Variants in VWF observed in about 807,000 individuals in gnomAD.
VWF encodes Factor VIII related antigen.
In VWF, 176 loss-of-function variants were observed where a neutral mutation model predicts 308.6. The ratio of observed to expected loss-of-function variants is 0.57; its 90% confidence interval spans 0.50 to 0.65. The LOEUF is 0.65. Among genes scored for constraint, VWF ranks in the 30% least tolerant of loss-of-function variants. The probability of loss-of-function intolerance (pLI) is 0.00; values close to 1 mark genes in which losing one functional copy is unlikely to be tolerated. For synonymous variants in VWF, 1,385 were observed against 1,443.4 expected (o/e 0.96, Z 0.92); for missense variants, 3,146 against 3,648.2 (o/e 0.86, Z 3.55).
chr12:5,949,837 G>C lies in VWF; in HGVS notation c.8202C>G (p.Val2734=), dbSNP rs1339971429. 6.2e-7 allele frequency: 1 copy of C among 1,613,960 alleles called. No individual in the cohort carries two copies. The highest frequency in any genetic ancestry group is 1.3e-5 in the African/African-American group (1 of 74,896). Residue 2734 remains valine (V), a synonymous_variant, in exon 51 of 52, where the codon GTC becomes GTG. Transcript: ENST00000261405. ...CNDITARLQY[V]KVGSCKSEVE... is the part of the protein sequence containing the mutation. Reference sequence around the variant, plus strand: ...CTTCAGACTTACAGCTTCCCACCTTGACATACTGCAGCCTGGCAGTGATGT... The same window carrying C: ...CTTCAGACTTACAGCTTCCCACCTTCACATACTGCAGCCTGGCAGTGATGT...
intron 11 of VWF, among the ~76,000 whole-genome samples, chr12:6,064,894 G>C (rs1441700422): frequency 6.6e-6 from 1 of 152,214 alleles, no homozygotes; most frequent in Non-Finnish European, 1.5e-5. Context: ...TCCACTGGGT[G>C]GGGAGCTGAG....
chr12:5,956,685 T>C (rs1591830117), intron 47 of VWF, among the ~76,000 whole-genome samples: 1 of 148,466 alleles, frequency 6.7e-6, no homozygotes, highest in Non-Finnish European at 1.5e-5. Context: ...ATTTCAAAAA[T>C]AGGAAAAAGC....
chr12:6,091,035 G>A (rs1294557266), intron 6 of VWF, among the ~76,000 whole-genome samples: 1 of 152,232 alleles, frequency 6.6e-6, no homozygotes, highest in Non-Finnish European at 1.5e-5. Flanking sequence ...TCCAGGTGAT[G>A]CAGACTTTGA....
chr12:6,057,581 C>G (rs1221628545), intron 14 of VWF, among the ~76,000 whole-genome samples: 1 of 147,274 alleles, frequency 6.8e-6, no homozygotes, highest in African/African-American at 2.5e-5. Flanking sequence ...AACTCCTGCC[C>G]TCAAGCGATC....
intron 2 of VWF, 78 bp from the exon 3 acceptor site, chr12:6,121,416 G>C: frequency 6.5e-7 from 1 of 1,539,758 alleles, no homozygotes; most frequent in East Asian, 2.4e-5. Context: ...CTCTGGCCTC[G>C]TAGAAATTAG....
intron 38 of VWF, among the ~76,000 whole-genome samples, chr12:5,989,582 G>C (rs954428785): frequency 3.3e-5 from 5 of 152,064 alleles, no homozygotes; most frequent in Admixed American, 6.5e-5. Flanking sequence ...TTATAAGACG[G>C]TTTCTACATC....
At chr12:6,032,594 C>T (rs1396904575) in intron 20 of VWF, among the ~76,000 whole-genome samples, 1 of 151,168 alleles carries the variant, frequency 6.6e-6, no homozygotes, top group African/African-American at 2.4e-5. Flanking sequence ...GCCGAGATCG[C>T]ACCACTGCAC....
At chr12:6,078,459 T>C (rs1338007448) in intron 6 of VWF, among the ~76,000 whole-genome samples, 9 of 152,190 alleles carry the variant, frequency 5.9e-5, no homozygotes, top group Admixed American at 5.9e-4. Context: ...AAAAATGTCA[T>C]TCAGAGAATT....
chr12:6,052,105 G>A (rs1021455866), intron 16 of VWF, among the ~76,000 whole-genome samples: 3 of 152,206 alleles, frequency 2.0e-5, no homozygotes, highest in Non-Finnish European at 2.9e-5. Context: ...TTGGGGAAGT[G>A]CATGAAGCAG....
At chr12:6,074,487 TAA>T (rs776702305) in intron 7 of VWF, among the ~76,000 whole-genome samples, 23 of 61,994 alleles carry the variant, frequency 3.7e-4, no homozygotes, top group Admixed American at 2.1e-3. Flanking sequence ...TTCACAGACC[TAA>T]AAAAAAAAAA....
In VWF at chr12:6,075,387, G is replaced by T; in HGVS notation, c.822C>A (p.Thr274=). 1 of 1,614,104 alleles carries T rather than the reference G, an allele frequency of 6.2e-7. No individual in the cohort carries two copies. Among genetic ancestry groups the T allele is most frequent in the South Asian group, 1.1e-5 (1 of 91,074 alleles). The part of the protein sequence containing the change: ...ACPALLEYAR[T]CAQEGMVLYG... ...ACAGCACCATTCCCTCCTGGGCACA[G>T]GTCCGGGCGTACTCCAGGAGGGCAG... The change falls in exon 7 of 52, where the codon ACC becomes ACA. Residue 274 remains threonine (T), a synonymous_variant. Coordinates refer to ENST00000261405, the MANE Select transcript of VWF (RefSeq NM_000552.5). The surrounding 1 kb of genome is among the most constrained non-coding windows in gnomAD (Gnocchi z 4.7).
At chr12:6,021,848 C>T in intron 27 of VWF, 52 bp downstream of exon 27, 1 of 1,613,680 alleles carries the variant, frequency 6.2e-7, no homozygotes, top group Non-Finnish European at 8.5e-7. Flanking sequence ...AAGCTGGCCC[C>T]TGGAGAAGCA....
intron 15 of VWF, among the ~76,000 whole-genome samples, chr12:6,053,578 C>T (rs1259736028): frequency 6.6e-6 from 1 of 152,172 alleles, no homozygotes; most frequent in African/African-American, 2.4e-5. Flanking sequence ...CTGCAAGAGA[C>T]ACAAGCCAGA....
At chr12:6,087,954 T>TG (rs1944991497) in intron 6 of VWF, among the ~76,000 whole-genome samples, 1 of 151,780 alleles carries the variant, frequency 6.6e-6, no homozygotes, top group African/African-American at 2.4e-5. Context: ...CTTGAGGAGG[T>TG]GATCCTGAGC....
intron 31 of VWF, among the ~76,000 whole-genome samples, chr12:6,014,239 G>C (rs1944031472): frequency 6.6e-6 from 1 of 152,126 alleles, no homozygotes; most frequent in Non-Finnish European, 1.5e-5. Flanking sequence ...GCATGGATCA[G>C]GCAATGCTCC....
rs559768162 is a variant in VWF, at chr12:5,980,833, A to G, written c.7287+953T>C. On this transcript the variant is annotated intron_variant, in intron 42 of 51. Coordinates refer to ENST00000261405, the MANE Select transcript of VWF (RefSeq NM_000552.5). ...GTCATTCATGTCAGGACTCCCCTCA[A>G]TGCAGCAGCTATAACTATGCTCAGG... Among the ~76,000 whole-genome samples the G allele has an allele frequency of 5.3e-5, 8 of 152,294 alleles. No homozygotes were observed. In the South Asian group the frequency reaches 1.7e-3, roughly 32 times the overall value.
chr12:6,042,293 C>T (rs1029435016), intron 18 of VWF, among the ~76,000 whole-genome samples: 8 of 152,272 alleles, frequency 5.3e-5, no homozygotes, highest in African/African-American at 1.7e-4. Context: ...CTTCCCCAAG[C>T]CCTTAGTGAC....
At chr12:5,949,499 A>G (rs1375059474) in intron 51 of VWF, among the ~76,000 whole-genome samples, 1 of 152,158 alleles carries the variant, frequency 6.6e-6, no homozygotes, top group African/African-American at 2.4e-5. Flanking sequence ...AAAATTTTAT[A>G]TATGTTTGAC....
intron 3 of VWF, among the ~76,000 whole-genome samples, chr12:6,113,329 G>A (rs371199790): frequency 2.7e-5 from 4 of 146,466 alleles, no homozygotes; most frequent in Non-Finnish European, 5.9e-5. Context: ...ACAGAGTCTC[G>A]CTCTGTCGCC....
Sources: gnomAD v4.1 joint callset for allele counts (sites outside exome capture counted in the v4.1 genomes callset) on GRCh38, gnomAD v4.1.1 for gene constraint, Gnocchi (gnomAD v3.1) non-coding constraint, MANE v1.5 for transcripts, NCBI Gene and HGNC (gene_info 2026-07-23, HGNC 2026-07-21) for gene names.